Variants in SPSB1 observed in about 807,000 individuals in gnomAD.
SPSB1 encodes SPRY domain-containing SOCS box protein 1.
In SPSB1, 8 loss-of-function variants were observed where a neutral mutation model predicts 21.2. The observed-to-expected ratio is 0.38, with a 90% CI of 0.22 to 0.68. The LOEUF (loss-of-function observed/expected upper bound fraction) is 0.68, where lower values mean the gene tolerates loss of function less well. SPSB1 is among the 30% of genes least tolerant of loss of function. The pLI is 0.53. For missense variants in SPSB1, 242 were observed against 377.8 expected (o/e 0.64, Z 2.98); for synonymous variants, 169 against 161.7 (o/e 1.05, Z -0.34).
chr1:9,356,034 A>C lies in SPSB1; in HGVS notation c.143A>C (p.Tyr48Ser). Residue 48 changes from tyrosine (Y) to serine (S), a missense_variant, in exon 2 of 3, where the codon TAT becomes TCT. Transcript: ENST00000328089. The surrounding 1 kb of genome is among the most constrained non-coding windows in gnomAD (Gnocchi z 7.4). ...DLLLDMPPVS[Y>S]DVQLLHSWNN... is the part of the protein sequence containing the mutation. ...CTACTGGACATGCCCCCTGTGTCCT[A>C]TGATGTCCAGCTGCTGCATTCATGG... 1 of 1,614,108 alleles carries C rather than the reference A, an allele frequency of 6.2e-7. No homozygotes were observed. The highest frequency in any genetic ancestry group is 8.5e-7 in the Non-Finnish European group (1 of 1,180,016).
chr1:9,364,722 G>A (rs773733365), intron 2 of SPSB1, among the ~76,000 whole-genome samples: 51 of 152,338 alleles, frequency 3.3e-4, no homozygotes, highest in Admixed American at 5.2e-4. Context: ...GAACATTTCA[G>A]TTCCTTGTCA....
At chr1:9,357,404 C>T (rs1237734669) in intron 2 of SPSB1, among the ~76,000 whole-genome samples, 1 of 152,158 alleles carries the variant, frequency 6.6e-6, no homozygotes, top group Non-Finnish European at 1.5e-5. Flanking sequence ...CTTTGTTTCT[C>T]TGGGTGACCT....
rs368085051 is a variant in SPSB1 at position 9,353,334 on chromosome 1, C to T, written c.-149-2409C>T. On this transcript the variant is annotated intron_variant, in intron 1 of 2. Transcript: ENST00000328089. ...ACCCAGCTCTCTCCCCCTTCCCTCC[C>T]GCAGCTTGAGGCGCAGGCCCCAAAG... Among the ~76,000 whole-genome samples, 12 of 152,270 alleles carry T rather than the reference C, an allele frequency of 7.9e-5. No homozygotes were observed. The East Asian group carries it at 1.4e-3, about 17-fold the overall frequency.
chr1:9,329,983 C>T (rs929946481), intron 1 of SPSB1, among the ~76,000 whole-genome samples: 17 of 152,144 alleles, frequency 1.1e-4, no homozygotes, highest in African/African-American at 3.9e-4. Flanking sequence ...CAGAGTGGCC[C>T]AGGAGCAGGT....
intron 1 of SPSB1, among the ~76,000 whole-genome samples, chr1:9,299,623 G>A (rs1639292722): frequency 1.3e-5 from 2 of 152,026 alleles, no homozygotes; most frequent in South Asian, 4.2e-4. Context: ...GGGATTACAG[G>A]CATGCGCCAC....
intron 1 of SPSB1, among the ~76,000 whole-genome samples, chr1:9,347,027 CT>C (rs1238454597): frequency 6.6e-6 from 1 of 152,212 alleles, no homozygotes; most frequent in Non-Finnish European, 1.5e-5. Flanking sequence ...TTTAAATACC[CT>C]TCTGCCAGGC....
chr1:9,354,603 A>T (rs570963536), intron 1 of SPSB1, among the ~76,000 whole-genome samples: 1 of 152,250 alleles, frequency 6.6e-6, no homozygotes, highest in Admixed American at 6.5e-5. Flanking sequence ...ACCTGAGGTC[A>T]GGAGTTCAAG....
At chr1:9,304,315 C>T (rs1002123563) in intron 1 of SPSB1, among the ~76,000 whole-genome samples, 2 of 152,204 alleles carry the variant, frequency 1.3e-5, no homozygotes, top group African/African-American at 2.4e-5. Context: ...CCTGGGTCTC[C>T]AGCTTGCAGA....
chr1:9,324,646 T>A lies in SPSB1; in HGVS notation c.-149-31097T>A, dbSNP rs762295888. On this transcript the variant is annotated intron_variant, in intron 1 of 2. Transcript: ENST00000328089. The surrounding 1 kb of genome is among the most constrained non-coding windows in gnomAD (Gnocchi z 4.3). Reference sequence around the variant, plus strand: ...GCTGAAACTGCCAGTGGCCAGCCTGTCTTGTTCCTATAAAGGGCACTTTGT... The same window carrying A: ...GCTGAAACTGCCAGTGGCCAGCCTGACTTGTTCCTATAAAGGGCACTTTGT... 2.6e-4 allele frequency among the ~76,000 whole-genome samples: 40 copies of A among 152,090 alleles called. No homozygotes were observed. The highest frequency in any genetic ancestry group is 5.2e-4 in the Admixed American group (8 of 15,282).
At position 9,315,289 on chromosome 1, in the gene SPSB1, G is replaced by A. The variant is rs570972858; in HGVS notation, c.-150+22218G>A. The stretch of plus-strand genomic sequence containing the variant: ...ACAAAAGACCCCGTACTGGCTCCAA[G>A]GGACACAGCCCCGTGCCAGTGTTGC... On this transcript the variant is annotated intron_variant, in intron 1 of 2. Coordinates refer to ENST00000328089, the MANE Select transcript of SPSB1 (RefSeq NM_025106.4). Among the ~76,000 whole-genome samples, 11 of 152,380 alleles carry A rather than the reference G, an allele frequency of 7.2e-5. No homozygotes were observed. In the South Asian group the frequency reaches 2.3e-3, roughly 32 times the overall value.
intron 1 of SPSB1, among the ~76,000 whole-genome samples, chr1:9,340,840 G>T (rs1640079866): frequency 3.9e-5 from 6 of 152,250 alleles, no homozygotes. Context: ...GAGCAGCTCT[G>T]CCCAGCAAGG....
intron 1 of SPSB1, among the ~76,000 whole-genome samples, chr1:9,319,551 G>A (rs1639674201): frequency 6.6e-6 from 1 of 152,188 alleles, no homozygotes; most frequent in Non-Finnish European, 1.5e-5. Flanking sequence ...GAAGTCGAGT[G>A]GAGGAGGTGG....
intron 1 of SPSB1, among the ~76,000 whole-genome samples, chr1:9,295,781 G>C (rs1441244615): frequency 1.3e-5 from 2 of 152,198 alleles, no homozygotes; most frequent in Non-Finnish European, 2.9e-5. Flanking sequence ...CGAAACCTCT[G>C]ATTCTTACGG....
At chr1:9,304,212 TC>T in intron 1 of SPSB1, among the ~76,000 whole-genome samples, 1 of 152,232 alleles carries the variant, frequency 6.6e-6, no homozygotes, top group East Asian at 1.9e-4. Flanking sequence ...ATACCATTGG[TC>T]CCCGGGGTCT....
At position 9,315,532 on chromosome 1, in the gene SPSB1, T is replaced by C. The variant is rs891053610; in HGVS notation, c.-150+22461T>C. ...GTCACATGACGGGGTGGGAGCTGAATGTGAATGTGACTCCTGAGCTGCAGC... is the reference window on the plus strand; with the variant it reads ...GTCACATGACGGGGTGGGAGCTGAACGTGAATGTGACTCCTGAGCTGCAGC... On this transcript the variant is annotated intron_variant, in intron 1 of 2. Transcript: ENST00000328089. Among the ~76,000 whole-genome samples, 5 of 152,310 alleles carry C rather than the reference T, an allele frequency of 3.3e-5. No individual in the cohort carries two copies. In the East Asian group the frequency reaches 9.6e-4, roughly 29 times the overall value.
intron 1 of SPSB1, among the ~76,000 whole-genome samples, chr1:9,309,352 C>T (rs977188933): frequency 1.3e-5 from 2 of 151,568 alleles, no homozygotes; most frequent in Non-Finnish European, 2.9e-5. Context: ...GATTCTCTCT[C>T]TGTCACCCAG....
chr1:9,295,227 T>A (rs1026613690), intron 1 of SPSB1, among the ~76,000 whole-genome samples: 20 of 150,364 alleles, frequency 1.3e-4, no homozygotes, highest in Admixed American at 2.0e-4. Flanking sequence ...AGTGTGTGTG[T>A]GTGTGTGTGT....
intron 1 of SPSB1, among the ~76,000 whole-genome samples, chr1:9,333,328 CT>C (rs33924371): frequency 0.45 from 57,212 of 126,328 alleles, 13,493 homozygotes; most frequent in Middle Eastern, 0.57. Context: ...TTGTCAGCTT[CT>C]TTTTTTTTTT....
chr1:9,306,647 G>A (rs1639416322), intron 1 of SPSB1, among the ~76,000 whole-genome samples: 1 of 152,204 alleles, frequency 6.6e-6, no homozygotes, highest in South Asian at 2.1e-4. Flanking sequence ...CCAGCAGCCA[G>A]GCTCTCAGTC....
Sources: allele counts gnomAD v4.1 joint callset (sites outside exome capture counted in the v4.1 genomes callset), GRCh38; gene constraint gnomAD v4.1.1; non-coding constraint Gnocchi (gnomAD v3.1); transcripts MANE v1.5; gene names NCBI Gene and HGNC (gene_info 2026-07-23, HGNC 2026-07-21).